The following SMAD6 variants were observed in gnomAD, a reference collection of about 807,000 sequenced individuals.
The protein encoded by SMAD6 is SMAD family member 6, also known as MAD homolog 6.
In SMAD6, 103 loss-of-function variants were observed where a neutral mutation model predicts 39.4. The ratio of observed to expected loss-of-function variants is 2.62; its 90% CI spans 2.23 to 3.08. SMAD6 has a LOEUF of 3.08. Among genes scored for constraint, SMAD6 ranks in the 30% most tolerant of loss-of-function variants. SMAD6 has a pLI of 0.00. For missense variants in SMAD6, 1,104 were observed against 742.9 expected (o/e 1.49, Z -5.65); for synonymous variants, 445 against 353.3 (o/e 1.26, Z -2.91).
At chr15:66,780,398 C>G (rs1288300657) in intron 3 of SMAD6, among the ~76,000 whole-genome samples, 1 of 152,104 alleles carries the variant, frequency 6.6e-6, no homozygotes, top group African/African-American at 2.4e-5. Flanking sequence ...GTGCTTGAGT[C>G]CTCTAATGTG....
chr15:66,736,605 G>A (rs1200351262), intron 3 of SMAD6, among the ~76,000 whole-genome samples: 4 of 151,980 alleles, frequency 2.6e-5, no homozygotes, highest in Admixed American at 1.3e-4. Flanking sequence ...TGATGCCTGG[G>A]CTCCACCCCA....
chr15:66,710,334 G>A (rs1053273931), intron 1 of SMAD6, among the ~76,000 whole-genome samples: 1 of 152,152 alleles, frequency 6.6e-6, no homozygotes, highest in Non-Finnish European at 1.5e-5. Flanking sequence ...GCAAATGTTC[G>A]CGTCTCTCTC....
Position 66,703,905 on chromosome 15 carries a change from G to C in SMAD6, c.647G>C (p.Gly216Ala). ...VLVPRADLRLGGQPAPPQLLL... is the reference protein window; with the variant it reads ...VLVPRADLRLAGQPAPPQLLL... ...GTGCCGCGCGCCGACCTCCGCCTGG[G>C]CGGCCAGCCCGCGCCGCCGCAGCTG... Residue 216 changes from glycine (G) to alanine (A), a missense_variant, in exon 1 of 4, where the codon GGC becomes GCC. Gly to Ala is a moderately conservative substitution (Grantham distance 60, BLOSUM62 0). Coordinates refer to ENST00000288840, the MANE Select transcript of SMAD6 (RefSeq NM_005585.5). 1 of 1,291,214 alleles carries C rather than the reference G, an allele frequency of 7.7e-7. No individual in the cohort carries two copies. The highest frequency in any genetic ancestry group is 9.8e-7 in the Non-Finnish European group (1 of 1,024,468). The allele number at this position is 1,291,214 out of a possible 1,614,324, so 80.0% of individuals were successfully genotyped here.
At chr15:66,768,008 T>C (rs953421029) in intron 3 of SMAD6, among the ~76,000 whole-genome samples, 2 of 146,022 alleles carry the variant, frequency 1.4e-5, no homozygotes, top group Non-Finnish European at 3.0e-5. Context: ...CTTGTTCTGT[T>C]GGCCAGGCTG....
At chr15:66,779,855 C>A (rs1458643564) in intron 3 of SMAD6, among the ~76,000 whole-genome samples, 2 of 152,214 alleles carry the variant, frequency 1.3e-5, no homozygotes, top group Non-Finnish European at 2.9e-5. Flanking sequence ...CCTCACTGGG[C>A]AGTTATAGGT....
rs563328957 is a variant in SMAD6 at position 66,758,756 on chromosome 15, C to T, written c.953-22241C>T. On this transcript the variant is annotated intron_variant, in intron 3 of 3. Coordinates refer to ENST00000288840, the MANE Select transcript of SMAD6 (RefSeq NM_005585.5). ...AAGAAAAAAAAAAAAGATAAATGCT[C>T]TCAGATTTTGTCTTTATGCATCCAG... is the stretch of plus-strand genomic sequence containing the variant. Among the ~76,000 whole-genome samples the T allele has an allele frequency of 9.9e-5, 15 of 151,584 alleles. No individual in the cohort carries two copies. In the South Asian group the frequency reaches 2.7e-3, roughly 27 times the overall value.
intron 3 of SMAD6, among the ~76,000 whole-genome samples, chr15:66,724,853 C>G (rs1420229388): frequency 6.6e-6 from 1 of 152,088 alleles, no homozygotes; most frequent in Non-Finnish European, 1.5e-5. Context: ...TGTCGGGTGC[C>G]TGTCCAGGGC....
intron 3 of SMAD6, among the ~76,000 whole-genome samples, chr15:66,737,459 C>G (rs1893732376): frequency 1.3e-5 from 2 of 152,140 alleles, no homozygotes; most frequent in African/African-American, 4.8e-5. Flanking sequence ...GCTGCTAGCT[C>G]AGTACTTCTC....
At chr15:66,727,428 G>A (rs1398724450) in intron 3 of SMAD6, among the ~76,000 whole-genome samples, 1 of 152,176 alleles carries the variant, frequency 6.6e-6, no homozygotes, top group African/African-American at 2.4e-5. Flanking sequence ...CCAATAAGTA[G>A]TGTGCCAGGG....
chr15:66,760,880 A>C (rs917132402), intron 3 of SMAD6, among the ~76,000 whole-genome samples: 3 of 151,488 alleles, frequency 2.0e-5, no homozygotes, highest in Non-Finnish European at 4.4e-5. Context: ...GAGGAAGCTA[A>C]CTCCCTCCCC....
At position 66,739,991 on chromosome 15, in the gene SMAD6, G is replaced by A. The variant is rs181406775; in HGVS notation, c.952+23493G>A. Among the ~76,000 whole-genome samples, 36 of 152,256 alleles carry A rather than the reference G, an allele frequency of 2.4e-4. 1 individual carries two copies. Among genetic ancestry groups the A allele is most frequent in the Admixed American group, 2.0e-3 (30 of 15,296 alleles). On this transcript the variant is annotated intron_variant, in intron 3 of 3. Transcript: ENST00000288840. ...TCCTGCCTTTTCTCCTCAGCATTACGTAAATATTTTCCTGTGTCATTAACA... is the reference window on the plus strand; with the variant it reads ...TCCTGCCTTTTCTCCTCAGCATTACATAAATATTTTCCTGTGTCATTAACA...
chr15:66,737,616 A>G (rs545409666), intron 3 of SMAD6, among the ~76,000 whole-genome samples: 4 of 150,848 alleles, frequency 2.7e-5, no homozygotes, highest in African/African-American at 9.8e-5. Flanking sequence ...CTTTCCCACC[A>G]CTTCCTCCTT....
In SMAD6 at chr15:66,716,026, GAAC is replaced by G. The variant is rs1893322636; in HGVS notation, c.875-391_875-389del. ...AGAAAGGAAGGAAGGAAGCAAGAAGGAACAACTTCAAGAATTTTAATGGTTGTA... is the reference window on the plus strand; with the variant it reads ...AGAAAGGAAGGAAGGAAGCAAGAAGGAACTTCAAGAATTTTAATGGTTGTA... On this transcript the variant is annotated intron_variant, in intron 2 of 3. Coordinates refer to ENST00000288840, the MANE Select transcript of SMAD6 (RefSeq NM_005585.5). Among the ~76,000 whole-genome samples, 5 of 152,108 alleles carry G rather than the reference GAAC, an allele frequency of 3.3e-5. No homozygotes were observed. In the South Asian group the frequency reaches 1.0e-3, roughly 32 times the overall value.
intron 3 of SMAD6, among the ~76,000 whole-genome samples, chr15:66,777,526 G>A (rs1165986698): frequency 6.6e-6 from 1 of 152,180 alleles, no homozygotes; most frequent in Non-Finnish European, 1.5e-5. Flanking sequence ...GATGTACATC[G>A]CAGTCCCAGC....
intron 3 of SMAD6, among the ~76,000 whole-genome samples, chr15:66,751,083 C>A (rs1399986245): frequency 1.3e-5 from 2 of 152,286 alleles, no homozygotes; most frequent in Middle Eastern, 3.4e-3. Context: ...CCAGCAAGCC[C>A]CTGCCTTTTG....
chr15:66,761,464 T>C lies in SMAD6; in HGVS notation c.953-19533T>C, dbSNP rs114474013. Among the ~76,000 whole-genome samples, 1,026 of 152,326 alleles carry C rather than the reference T, an allele frequency of 6.7e-3. 8 individuals carry two copies. The highest frequency in any genetic ancestry group is 0.023 in the African/African-American group (971 of 41,566). ...CTTTGCAGGCACAGGCAGGGAGTTG[T>C]TCCGACAGCGATGTGAGGAAGGACT... On this transcript the variant is annotated intron_variant, in intron 3 of 3. Coordinates refer to ENST00000288840, the MANE Select transcript of SMAD6 (RefSeq NM_005585.5).
At chr15:66,773,356 G>GCCGGAGC (rs2140671949) in intron 3 of SMAD6, among the ~76,000 whole-genome samples, 1 of 152,234 alleles carries the variant, frequency 6.6e-6, no homozygotes, top group African/African-American at 2.4e-5. Context: ...TGCTTTTACT[G>GCCGGAGC]CCGGAGCCCG....
intron 3 of SMAD6, among the ~76,000 whole-genome samples, chr15:66,727,817 C>T (rs1893549372): frequency 6.6e-6 from 1 of 151,628 alleles, no homozygotes; most frequent in Non-Finnish European, 1.5e-5. Context: ...CAGAAAAGTG[C>T]AGATGTCACA....
chr15:66,719,053 G>A (rs768964633), intron 3 of SMAD6, among the ~76,000 whole-genome samples: 19 of 152,196 alleles, frequency 1.2e-4, no homozygotes, highest in African/African-American at 2.2e-4. Flanking sequence ...TTTGCTAAGC[G>A]CCAGCATTCT....
Sources: gnomAD v4.1 joint callset for allele counts (sites outside exome capture counted in the v4.1 genomes callset) on GRCh38, gnomAD v4.1.1 for gene constraint, MANE v1.5 for transcripts, NCBI Gene and HGNC (gene_info 2026-07-23, HGNC 2026-07-21) for gene names.